The following CSMD3 variants were observed in gnomAD, a reference collection of about 807,000 sequenced individuals.
CSMD3 encodes the protein CUB and Sushi multiple domains 3.
In CSMD3, 177 loss-of-function variants were observed where a neutral mutation model predicts 435.2. That is an observed-to-expected ratio of 0.41 (90% CI 0.36 to 0.46). The LOEUF (loss-of-function observed/expected upper bound fraction) is 0.46, where lower values mean the gene tolerates loss of function less well. CSMD3 is among the 20% of genes least tolerant of loss of function. CSMD3 has a pLI of 0.34. For synonymous variants in CSMD3, 1,656 were observed against 1,520.5 expected (o/e 1.09, Z -2.07); for missense variants, 4,265 against 4,504.6 (o/e 0.95, Z 1.52).
chr8:112,392,315 A>C (rs1563884430), intron 35 of CSMD3, among the ~76,000 whole-genome samples: 1 of 36,702 alleles, frequency 2.7e-5, no homozygotes, highest in South Asian at 9.2e-4. Context: ...GCAATTACTC[A>C]AAAAAAAAAA....
chr8:112,332,718 AT>A (rs1824184182), intron 45 of CSMD3, among the ~76,000 whole-genome samples: 1 of 152,088 alleles, frequency 6.6e-6, no homozygotes, highest in Non-Finnish European at 1.5e-5. Context: ...GGCTCTGGCA[AT>A]TTTTTTGCAC....
At chr8:113,322,307 T>C (rs1452639467) in intron 1 of CSMD3, among the ~76,000 whole-genome samples, 1 of 152,186 alleles carries the variant, frequency 6.6e-6, no homozygotes, top group Non-Finnish European at 1.5e-5. Flanking sequence ...ACTGGTTTAC[T>C]TATCACATGC....
intron 3 of CSMD3, 88 bp downstream of exon 3, chr8:113,278,504 T>C: frequency 1.4e-6 from 1 of 726,018 alleles, no homozygotes; most frequent in Non-Finnish European, 2.6e-6. Context: ...CATGATGTTG[T>C]CTCAAATGTT....
chr8:112,842,340 C>T (rs922975538), intron 11 of CSMD3, among the ~76,000 whole-genome samples: 7 of 151,838 alleles, frequency 4.6e-5, no homozygotes, highest in South Asian at 4.2e-4. Context: ...TGATGGTTTC[C>T]GGTGACTAAT....
intron 13 of CSMD3, among the ~76,000 whole-genome samples, chr8:112,712,364 G>C (rs2076627543): frequency 6.6e-6 from 1 of 152,132 alleles, no homozygotes; most frequent in Non-Finnish European, 1.5e-5. Flanking sequence ...AGGTAATTTA[G>C]TTTCTATTAA....
intron 13 of CSMD3, among the ~76,000 whole-genome samples, chr8:112,695,525 T>G (rs1255257948): frequency 6.6e-6 from 1 of 152,130 alleles, no homozygotes; most frequent in African/African-American, 2.4e-5. Context: ...TTGACAAAAT[T>G]CAACAGCCCT....
chr8:112,268,823 A>G (rs2130449355), intron 59 of CSMD3, among the ~76,000 whole-genome samples: 1 of 152,310 alleles, frequency 6.6e-6, no homozygotes, highest in Non-Finnish European at 1.5e-5. Flanking sequence ...CATTCCTCTC[A>G]TAATGCTTCT....
intron 54 of CSMD3, among the ~76,000 whole-genome samples, chr8:112,293,888 G>A (rs1241322345): frequency 6.6e-6 from 1 of 152,042 alleles, no homozygotes; most frequent in Non-Finnish European, 1.5e-5. Context: ...GAATTTAACT[G>A]CATCTTATTC....
At chr8:113,045,729 T>C (rs1197841503) in intron 5 of CSMD3, among the ~76,000 whole-genome samples, 2 of 149,534 alleles carry the variant, frequency 1.3e-5, no homozygotes, top group Non-Finnish European at 3.0e-5. Flanking sequence ...TATTTCCATG[T>C]TTCTTCTCAG....
At chr8:112,436,888 G>A (rs1272104393) in intron 32 of CSMD3, among the ~76,000 whole-genome samples, 1 of 152,056 alleles carries the variant, frequency 6.6e-6, no homozygotes, top group Non-Finnish European at 1.5e-5. Context: ...ACACAATGCA[G>A]AGACATATGG....
At chr8:113,403,531 C>T (rs922178977) in intron 1 of CSMD3, among the ~76,000 whole-genome samples, 1 of 151,254 alleles carries the variant, frequency 6.6e-6, no homozygotes, top group African/African-American at 2.4e-5. Context: ...CCCATTTTCT[C>T]CTCTTCTTCC....
intron 11 of CSMD3, among the ~76,000 whole-genome samples, chr8:112,839,706 T>C (rs1362329967): frequency 6.6e-6 from 1 of 151,620 alleles, no homozygotes; most frequent in African/African-American, 2.4e-5. Context: ...GTCATCATGG[T>C]CTAGGATACC....
chr8:112,546,655 T>G (rs962819052), intron 27 of CSMD3, among the ~76,000 whole-genome samples: 1 of 152,112 alleles, frequency 6.6e-6, no homozygotes, highest in Admixed American at 6.5e-5. Flanking sequence ...CCTGGGGAAC[T>G]AAAGTGGAAT....
intron 6 of CSMD3, among the ~76,000 whole-genome samples, chr8:113,011,211 C>T (rs1001147101): frequency 6.6e-6 from 1 of 151,524 alleles, no homozygotes; most frequent in Non-Finnish European, 1.5e-5. Context: ...ATTTCTAAAA[C>T]CTTATTTTAT....
intron 2 of CSMD3, among the ~76,000 whole-genome samples, chr8:113,279,665 C>A (rs149302500): frequency 6.6e-6 from 1 of 151,388 alleles, no homozygotes; most frequent in African/African-American, 2.4e-5. Flanking sequence ...AATGAGAGAA[C>A]AAAATGTATT....
intron 22 of CSMD3, among the ~76,000 whole-genome samples, chr8:112,632,631 A>G (rs1262347326): frequency 6.6e-6 from 1 of 152,014 alleles, no homozygotes; most frequent in Non-Finnish European, 1.5e-5. Context: ...GGTTCCTGGT[A>G]TATTTGGATG....
At chr8:112,847,487 C>A (rs977415151) in intron 11 of CSMD3, among the ~76,000 whole-genome samples, 2 of 152,112 alleles carry the variant, frequency 1.3e-5, no homozygotes, top group Non-Finnish European at 2.9e-5. Flanking sequence ...TGAAATTGCA[C>A]CTTGCTTAAC....
intron 5 of CSMD3, among the ~76,000 whole-genome samples, chr8:113,073,250 C>A (rs2089201620): frequency 6.6e-6 from 1 of 151,706 alleles, no homozygotes; most frequent in Non-Finnish European, 1.5e-5. Flanking sequence ...ATGGAGCTGA[C>A]TCGTTTCTGC....
intron 6 of CSMD3, among the ~76,000 whole-genome samples, chr8:113,002,803 A>T (rs552898852): frequency 6.6e-6 from 1 of 152,280 alleles, no homozygotes; most frequent in East Asian, 1.9e-4. Context: ...TGTTTTTATC[A>T]CCTGATATCT....
Sources: gnomAD v4.1 joint callset for allele counts (sites outside exome capture counted in the v4.1 genomes callset) on GRCh38, gnomAD v4.1.1 for gene constraint, MANE v1.5 for transcripts, NCBI Gene and HGNC (gene_info 2026-07-23, HGNC 2026-07-21) for gene names.